The following DLG2 variants were observed in gnomAD, a reference collection of about 807,000 sequenced individuals.
DLG2 encodes the protein disks large homolog 2.
In DLG2, 45 loss-of-function variants were observed where a neutral mutation model predicts 132.5. The ratio of observed to expected loss-of-function variants is 0.34; its 90% CI spans 0.27 to 0.44. The LOEUF (loss-of-function observed/expected upper bound fraction) is 0.44, where lower values mean the gene tolerates loss of function less well. Among genes scored for constraint, DLG2 ranks in the 20% least tolerant of loss-of-function variants. DLG2 has a pLI of 1.00. For missense variants in DLG2, 1,045 were observed against 1,196.9 expected (o/e 0.87, Z 1.87); for synonymous variants, 424 against 419.6 (o/e 1.01, Z -0.13).
At chr11:84,514,926 T>A (rs1333693911) in intron 7 of DLG2, among the ~76,000 whole-genome samples, 1 of 151,900 alleles carries the variant, frequency 6.6e-6, no homozygotes, top group Non-Finnish European at 1.5e-5. Flanking sequence ...ATGTACCTTA[T>A]AAATATATAC....
intron 2 of DLG2, among the ~76,000 whole-genome samples, chr11:85,625,780 A>C (rs1418190029): frequency 1.3e-5 from 2 of 152,222 alleles, no homozygotes; most frequent in Non-Finnish European, 2.9e-5. Context: ...GAAACTCTTT[A>C]CAGTTGATCT....
chr11:84,480,792 G>A (rs1345479340), intron 7 of DLG2, among the ~76,000 whole-genome samples: 5 of 142,704 alleles, frequency 3.5e-5, no homozygotes, highest in African/African-American at 1.3e-4. Flanking sequence ...GTCTCACTCT[G>A]CTGCTCAGGC....
intron 8 of DLG2, among the ~76,000 whole-genome samples, chr11:84,204,638 A>T (rs906188376): frequency 6.6e-6 from 1 of 152,236 alleles, no homozygotes; most frequent in Non-Finnish European, 1.5e-5. Context: ...TTTCAATTAA[A>T]AGGCAGATAT....
At chr11:83,608,354 A>AT (rs35301755) in intron 19 of DLG2, among the ~76,000 whole-genome samples, 8,282 of 144,970 alleles carry the variant, frequency 0.057, 274 homozygotes, top group Middle Eastern at 0.13. Context: ...TTAGATTTCA[A>AT]TTTTTTTTTT....
At chr11:84,375,330 A>G (rs935955840) in intron 7 of DLG2, among the ~76,000 whole-genome samples, 2 of 152,160 alleles carry the variant, frequency 1.3e-5, no homozygotes, top group African/African-American at 4.8e-5. Flanking sequence ...GCATGAATTA[A>G]CTGCTATAAT....
At chr11:84,299,156 T>C (rs140221948) in intron 7 of DLG2, among the ~76,000 whole-genome samples, 7 of 152,252 alleles carry the variant, frequency 4.6e-5, no homozygotes, top group African/African-American at 1.7e-4. Context: ...ACATGTTTAA[T>C]CCAACATAGA....
intron 22 of DLG2, chr11:83,480,608 G>A: frequency 1.3e-6 from 2 of 1,556,836 alleles, no homozygotes; most frequent in Middle Eastern, 1.7e-4. Context: ...GGAACCCGCT[G>A]CTTGATTGCT....
intron 17 of DLG2, among the ~76,000 whole-genome samples, chr11:83,803,966 C>T (rs994928425): frequency 1.3e-5 from 2 of 152,086 alleles, no homozygotes; most frequent in African/African-American, 4.8e-5. Context: ...AAGTTGATGA[C>T]ATTCTTTTGT....
At chr11:84,861,125 AC>A (rs2083556727) in intron 6 of DLG2, among the ~76,000 whole-genome samples, 1 of 152,148 alleles carries the variant, frequency 6.6e-6, no homozygotes, top group African/African-American at 2.4e-5. Context: ...TGCTATAGGA[AC>A]AAAAAAGGAC....
intron 7 of DLG2, among the ~76,000 whole-genome samples, chr11:84,314,401 A>G (rs1158219015): frequency 6.6e-6 from 1 of 152,248 alleles, no homozygotes; most frequent in Non-Finnish European, 1.5e-5. Flanking sequence ...TAGTGGACAC[A>G]TGAATACATA....
chr11:83,664,314 A>G (rs1720829798), intron 18 of DLG2, among the ~76,000 whole-genome samples: 2 of 152,220 alleles, frequency 1.3e-5, no homozygotes, highest in African/African-American at 4.8e-5. Context: ...ATGTAGTTGC[A>G]AGGAATTAAA....
chr11:84,889,283 TA>T (rs1422694316), intron 6 of DLG2, among the ~76,000 whole-genome samples: 1 of 152,136 alleles, frequency 6.6e-6, no homozygotes, highest in African/African-American at 2.4e-5. Flanking sequence ...GCAAATAGAA[TA>T]AACAGTATAA....
intron 4 of DLG2, among the ~76,000 whole-genome samples, chr11:85,255,650 A>G (rs906517499): frequency 1.3e-5 from 2 of 152,224 alleles, no homozygotes; most frequent in Admixed American, 1.3e-4. Context: ...AATATCAAAT[A>G]CTTGGAATGC....
chr11:84,895,741 G>A (rs1188321876), intron 6 of DLG2, among the ~76,000 whole-genome samples: 2 of 152,102 alleles, frequency 1.3e-5, no homozygotes, highest in African/African-American at 4.8e-5. Flanking sequence ...ATTGGGTATT[G>A]ACTAATGTGA....
chr11:84,308,570 G>A (rs530368746), intron 7 of DLG2, among the ~76,000 whole-genome samples: 1 of 152,336 alleles, frequency 6.6e-6, no homozygotes, highest in Non-Finnish European at 1.5e-5. Flanking sequence ...GCCCTTGGGC[G>A]GTCAATGGGA....
intron 6 of DLG2, among the ~76,000 whole-genome samples, chr11:84,917,604 A>C (rs1281618391): frequency 6.6e-6 from 1 of 152,180 alleles, no homozygotes; most frequent in African/African-American, 2.4e-5. Flanking sequence ...TTTTGAGAAA[A>C]TACATTCAAA....
chr11:84,602,158 T>C (rs1352123378), intron 6 of DLG2, among the ~76,000 whole-genome samples: 2 of 151,984 alleles, frequency 1.3e-5, no homozygotes, highest in Admixed American at 6.6e-5. Flanking sequence ...GGTGGCTAGC[T>C]GCTTATATTG....
chr11:83,867,816 A>G (rs2062678982), intron 16 of DLG2, among the ~76,000 whole-genome samples: 1 of 152,196 alleles, frequency 6.6e-6, no homozygotes, highest in Non-Finnish European at 1.5e-5. Context: ...CTAGCTCTCC[A>G]TAGTCTCAGC....
Position 83,572,098 on chromosome 11 carries a change from T to C in DLG2, c.1941-30240A>G, listed in dbSNP as rs11604428. On this transcript the variant is annotated intron_variant, in intron 19 of 27. Transcript: ENST00000376104. ...TATGAGTGGGTTATCTTTGGCTTTA[T>C]ATTTTTCTGTATCCTCCTAATTTTA... 5.7e-3 allele frequency among the ~76,000 whole-genome samples: 874 copies of C among 152,242 alleles called. 6 individuals are homozygous for C. Among genetic ancestry groups the C allele is most frequent in the Middle Eastern group, 0.024 (7 of 294 alleles).
Sources: allele counts gnomAD v4.1 joint callset (sites outside exome capture counted in the v4.1 genomes callset), GRCh38; gene constraint gnomAD v4.1.1; transcripts MANE v1.5; gene names NCBI Gene and HGNC (gene_info 2026-07-23, HGNC 2026-07-21).